WSCD2: variants seen among roughly 807,000 people sequenced by gnomAD.
WSCD2 encodes WSC domain sialate O sulfotransferase 2.
In WSCD2, 28 loss-of-function variants were observed where a neutral mutation model predicts 55.7. The observed-to-expected ratio is 0.50, with a 90% CI of 0.37 to 0.69. WSCD2 has a LOEUF of 0.69. Ranked by LOEUF, WSCD2 falls within the 30% of genes least tolerant of loss-of-function variation. The pLI is 0.00. For missense variants in WSCD2, 616 were observed against 762.1 expected (o/e 0.81, Z 2.26); for synonymous variants, 301 against 301.9 (o/e 1.00, Z 0.03).
chr12:108,224,625 C>A, intron 4 of WSCD2, 114 bp from the exon 5 acceptor site: 1 of 1,426,398 alleles, frequency 7.0e-7, no homozygotes, highest in South Asian at 1.4e-5. Flanking sequence ...TTGGCTTGCT[C>A]TGTGACCTTG....
chr12:108,183,487 G>A (rs1254056951), intron 1 of WSCD2, among the ~76,000 whole-genome samples: 2 of 152,296 alleles, frequency 1.3e-5, no homozygotes, highest in Middle Eastern at 3.4e-3. Context: ...CACCTTCTCT[G>A]TGGTACGATG....
intron 7 of WSCD2, among the ~76,000 whole-genome samples, chr12:108,239,387 C>G (rs566934652): frequency 6.6e-6 from 1 of 152,320 alleles, no homozygotes; most frequent in Admixed American, 6.5e-5. Context: ...TTTGGTTGAG[C>G]TGACTGGGCT....
chr12:108,190,916 G>A (rs912342281), intron 1 of WSCD2, among the ~76,000 whole-genome samples: 2 of 152,134 alleles, frequency 1.3e-5, no homozygotes, highest in African/African-American at 4.8e-5. Context: ...TTGTCTCATC[G>A]AATCCTCCCC....
intron 1 of WSCD2, among the ~76,000 whole-genome samples, chr12:108,158,050 A>T (rs1359532326): frequency 6.6e-6 from 1 of 152,194 alleles, no homozygotes. Context: ...TACACTCGGC[A>T]GATTCCTTCT....
rs1179549058 is a variant in WSCD2 at position 108,195,648 on chromosome 12, T to G, written c.-185T>G. ...GGCTGGTAAGCTCCATCCTTTCTCA[T>G]GGCCTCAGCCAAGCATTGAACTTGC... On this transcript the variant is annotated 5_prime_UTR_variant, in exon 2 of 9. An upstream start codon of the reference 5' UTR is lost. Coordinates refer to ENST00000547525, the MANE Select transcript of WSCD2 (RefSeq NM_014653.4). The G allele has an allele frequency of 1.2e-6, 1 of 810,922 alleles. No homozygotes were observed. The highest frequency in any genetic ancestry group is 3.8e-4 in the Middle Eastern group (1 of 2,658). 50.2% of individuals were successfully genotyped at this position (810,922 alleles called of 1,614,324 possible).
chr12:108,199,585 G>T (rs1391488588), intron 2 of WSCD2, among the ~76,000 whole-genome samples: 1 of 152,220 alleles, frequency 6.6e-6, no homozygotes, highest in East Asian at 1.9e-4. Context: ...GGGATAAAAA[G>T]TACTTAACAT....
intron 5 of WSCD2, among the ~76,000 whole-genome samples, chr12:108,225,623 C>T (rs961515305): frequency 1.3e-5 from 2 of 151,310 alleles, no homozygotes; most frequent in Admixed American, 6.6e-5. Context: ...AGCTTTGGCA[C>T]TGGATAGCAC....
intron 1 of WSCD2, among the ~76,000 whole-genome samples, chr12:108,148,639 T>A (rs1877650700): frequency 6.6e-6 from 1 of 152,078 alleles, no homozygotes; most frequent in African/African-American, 2.4e-5. Context: ...GGTAACATGA[T>A]GTGAGTAAAA....
At chr12:108,232,692 C>T (rs375558929) in intron 6 of WSCD2, 39 bp from the exon 7 acceptor site, 296 of 1,566,000 alleles carry the variant, frequency 1.9e-4, no homozygotes, top group Non-Finnish European at 2.4e-4. Context: ...CTCCATCTGC[C>T]CCTGGTGTTG....
At chr12:108,200,306 G>A (rs919947797) in intron 2 of WSCD2, among the ~76,000 whole-genome samples, 4 of 152,166 alleles carry the variant, frequency 2.6e-5, no homozygotes, top group African/African-American at 4.8e-5. Context: ...GCCATTTCAC[G>A]GATGAAGAAA....
chr12:108,214,585 A>G (rs887663336), intron 4 of WSCD2, among the ~76,000 whole-genome samples: 5 of 152,170 alleles, frequency 3.3e-5, no homozygotes, highest in Non-Finnish European at 5.9e-5. Context: ...TTATGGCTTT[A>G]CGCGATGTTG....
chr12:108,237,552 G>A (rs1889367778), intron 7 of WSCD2, among the ~76,000 whole-genome samples: 1 of 152,222 alleles, frequency 6.6e-6, no homozygotes, highest in African/African-American at 2.4e-5. Context: ...TTCCCTTGCA[G>A]TTACCTAGAC....
intron 2 of WSCD2, among the ~76,000 whole-genome samples, chr12:108,198,003 C>T (rs1204724726): frequency 2.0e-5 from 3 of 150,438 alleles, no homozygotes; most frequent in Admixed American, 6.7e-5. Context: ...AATCAAACCT[C>T]GACTTCCCAT....
chr12:108,234,257 GCCAGGCACTAA>G (rs1433994132), intron 7 of WSCD2, among the ~76,000 whole-genome samples: 9 of 152,356 alleles, frequency 5.9e-5, no homozygotes, highest in African/African-American at 2.2e-4. Context: ...TGGTCTGGGT[GCCAGGCACTAA>G]CCAGGCACAG....
intron 1 of WSCD2, among the ~76,000 whole-genome samples, chr12:108,186,306 C>T (rs1466662550): frequency 6.6e-6 from 1 of 152,176 alleles, no homozygotes; most frequent in African/African-American, 2.4e-5. Context: ...CCTCCATCAA[C>T]ATCCCGCACC....
At chr12:108,149,952 T>A (rs1877800212) in intron 1 of WSCD2, 1 of 152,056 alleles carries the variant, frequency 6.6e-6, no homozygotes, top group Non-Finnish European at 1.5e-5. Context: ...GAAATGGAGG[T>A]CCAGTGAGGT....
Position 108,193,277 on chromosome 12 carries a change from C to T in WSCD2, c.-551-2005C>T, listed in dbSNP as rs116609967. On this transcript the variant is annotated intron_variant, in intron 1 of 8. Coordinates refer to ENST00000547525, the MANE Select transcript of WSCD2 (RefSeq NM_014653.4). ...TACACACATCTACTATGGGATTTAT[C>T]ATAGTCTGTCTAGCATAGTGATTGT... is the stretch of plus-strand genomic sequence containing the variant. 5.2e-3 allele frequency among the ~76,000 whole-genome samples: 798 copies of T among 152,346 alleles called. 5 individuals are homozygous for T. Among genetic ancestry groups the T allele is most frequent in the African/African-American group, 0.019 (771 of 41,584 alleles).
rs567399311 is a variant in WSCD2 at position 108,145,525 on chromosome 12, C to G, written c.-552+15599C>G. On this transcript the variant is annotated intron_variant, in intron 1 of 8. Transcript: ENST00000547525. ...ACGGAGTTCAAAGAGGCCTTAGGAC[C>G]CTCATGCGCTGCTGGTGGGAGTGTG... Among the ~76,000 whole-genome samples, 4 of 152,274 alleles carry G rather than the reference C, an allele frequency of 2.6e-5. No individual in the cohort carries two copies. In the East Asian group the frequency reaches 7.7e-4, roughly 29 times the overall value.
At chr12:108,167,642 C>T (rs2136958973) in intron 1 of WSCD2, 1 of 152,358 alleles carries the variant, frequency 6.6e-6, no homozygotes, top group South Asian at 2.1e-4. Context: ...GCATCTCTAC[C>T]TTCCCCTAGG....
Sources: allele counts gnomAD v4.1 joint callset (sites outside exome capture counted in the v4.1 genomes callset), GRCh38; gene constraint gnomAD v4.1.1; transcripts MANE v1.5; gene names NCBI Gene and HGNC (gene_info 2026-07-23, HGNC 2026-07-21).